Variants in ZNF385B observed in about 807,000 individuals in gnomAD.
The protein encoded by ZNF385B is zinc finger protein 533.
A neutral mutation model predicts 39.2 loss-of-function variants in ZNF385B; 23 were observed. The observed-to-expected ratio is 0.59, with a 90% confidence interval of 0.42 to 0.83. The LOEUF (loss-of-function observed/expected upper bound fraction) is 0.83. ZNF385B is among the 40% of genes least tolerant of loss of function. The pLI, the probability that ZNF385B is intolerant of heterozygous loss-of-function variation, is 0.00. For missense variants in ZNF385B, 552 were observed against 598.9 expected (o/e 0.92, Z 0.82); for synonymous variants, 205 against 222.6 (o/e 0.92, Z 0.70).
chr2:179,736,782 C>T (rs1228541216), intron 3 of ZNF385B, among the ~76,000 whole-genome samples: 1 of 152,004 alleles, frequency 6.6e-6, no homozygotes, highest in Non-Finnish European at 1.5e-5. Context: ...CCAGCCTGGG[C>T]AACATGGTGA....
chr2:179,576,305 A>G, intron 3 of ZNF385B: 1 of 416,756 alleles, frequency 2.4e-6, no homozygotes, highest in Non-Finnish European at 3.2e-6. Context: ...TCCTCTACTT[A>G]GAATCCTTTT....
At chr2:179,678,656 A>G (rs1191770620) in intron 3 of ZNF385B, among the ~76,000 whole-genome samples, 1 of 152,240 alleles carries the variant, frequency 6.6e-6, no homozygotes, top group Non-Finnish European at 1.5e-5. Context: ...GTTTTGCTTA[A>G]GCCATTGTTA....
chr2:179,670,291 C>A (rs945512052), intron 3 of ZNF385B, among the ~76,000 whole-genome samples: 664 of 99,902 alleles, frequency 6.6e-3, no homozygotes, highest in South Asian at 9.4e-3. Context: ...GACTCCGTCT[C>A]AAAAAAAAAA....
At chr2:179,707,242 A>G (rs1265841654) in intron 3 of ZNF385B, among the ~76,000 whole-genome samples, 3 of 152,172 alleles carry the variant, frequency 2.0e-5, no homozygotes, top group African/African-American at 7.2e-5. Context: ...AAGAGAGTCT[A>G]TTGTGGTGGC....
chr2:179,474,548 T>A (rs968550463), intron 6 of ZNF385B, among the ~76,000 whole-genome samples: 1 of 152,214 alleles, frequency 6.6e-6, no homozygotes, highest in Non-Finnish European at 1.5e-5. Context: ...ATCAGAATAC[T>A]ATTATAATCA....
intron 6 of ZNF385B, among the ~76,000 whole-genome samples, chr2:179,470,392 C>T (rs2052604967): frequency 6.6e-6 from 1 of 152,164 alleles, no homozygotes; most frequent in Admixed American, 6.5e-5. Flanking sequence ...TCCGTGCAGC[C>T]TGTTGGGCCG....
chr2:179,545,946 T>C (rs370746919), intron 3 of ZNF385B, among the ~76,000 whole-genome samples: 4 of 152,328 alleles, frequency 2.6e-5, no homozygotes, highest in African/African-American at 9.6e-5. Flanking sequence ...CAGTAAGTTA[T>C]TGTTGACTAT....
chr2:179,552,290 C>A (rs1402701797), intron 3 of ZNF385B, among the ~76,000 whole-genome samples: 2 of 149,140 alleles, frequency 1.3e-5, no homozygotes, highest in Admixed American at 6.7e-5. Context: ...AAAGAAAACA[C>A]CTCATTCTTC....
At chr2:179,732,128 T>A (rs961432345) in intron 3 of ZNF385B, among the ~76,000 whole-genome samples, 4 of 152,238 alleles carry the variant, frequency 2.6e-5, no homozygotes, top group African/African-American at 9.6e-5. Context: ...AGGAGTTTAA[T>A]GAAGTATCTT....
At chr2:179,592,276 C>T (rs1184092200) in intron 3 of ZNF385B, among the ~76,000 whole-genome samples, 4 of 151,882 alleles carry the variant, frequency 2.6e-5, no homozygotes, top group African/African-American at 9.7e-5. Context: ...AATATAAAGT[C>T]TATTTGGAAA....
At chr2:179,780,804 A>C (rs982846013) in intron 1 of ZNF385B, among the ~76,000 whole-genome samples, 1 of 152,240 alleles carries the variant, frequency 6.6e-6, no homozygotes, top group Admixed American at 6.5e-5. Context: ...GAGAAATTTT[A>C]ATTTAGGATA....
At chr2:179,754,843 T>C (rs1352826943) in intron 3 of ZNF385B, among the ~76,000 whole-genome samples, 1 of 152,224 alleles carries the variant, frequency 6.6e-6, no homozygotes, top group Non-Finnish European at 1.5e-5. Flanking sequence ...TTAGTCTTGC[T>C]AGTGGTCTAT....
chr2:179,836,264 C>A (rs1172860664), intron 1 of ZNF385B, among the ~76,000 whole-genome samples: 1 of 152,202 alleles, frequency 6.6e-6, no homozygotes, highest in Non-Finnish European at 1.5e-5. Context: ...GATCTTGCCT[C>A]TCTTATCCAC....
chr2:179,705,592 C>T (rs974253082), intron 3 of ZNF385B, among the ~76,000 whole-genome samples: 2 of 152,202 alleles, frequency 1.3e-5, no homozygotes, highest in Non-Finnish European at 2.9e-5. Flanking sequence ...CCCCTAGAAA[C>T]TTTTGCTCTT....
intron 3 of ZNF385B, among the ~76,000 whole-genome samples, chr2:179,597,523 G>A (rs1332708206): frequency 6.6e-6 from 1 of 152,136 alleles, no homozygotes; most frequent in East Asian, 1.9e-4. Flanking sequence ...ACAGTCAGTA[G>A]CTTTACTCTT....
chr2:179,619,736 C>T (rs1690053350), intron 3 of ZNF385B, among the ~76,000 whole-genome samples: 1 of 152,202 alleles, frequency 6.6e-6, no homozygotes, highest in Non-Finnish European at 1.5e-5. Context: ...AGATACCTGT[C>T]ATTTCTAAAC....
intron 3 of ZNF385B, among the ~76,000 whole-genome samples, chr2:179,658,876 C>T (rs1334555543): frequency 2.0e-5 from 3 of 152,192 alleles, no homozygotes; most frequent in Non-Finnish European, 4.4e-5. Context: ...CTCCCCGCTT[C>T]AAGTGATTCT....
chr2:179,680,745 G>C (rs1479905315), intron 3 of ZNF385B, among the ~76,000 whole-genome samples: 2 of 151,942 alleles, frequency 1.3e-5, no homozygotes, highest in African/African-American at 2.4e-5. Flanking sequence ...TAAAATCTAA[G>C]ATCTTGATGT....
rs1325359662 is a variant in ZNF385B, at chr2:179,576,040, C to T, written c.299-31071G>A. The T allele has an allele frequency of 1.7e-5, 11 of 645,060 alleles. No homozygotes were observed. In the South Asian group the frequency reaches 2.1e-4, roughly 12 times the overall value. 40.0% of individuals were successfully genotyped at this position (645,060 alleles called of 1,614,324 possible). On this transcript the variant is annotated intron_variant, in intron 3 of 9. Coordinates refer to ENST00000410066, the MANE Select transcript of ZNF385B (RefSeq NM_152520.6). The stretch of plus-strand genomic sequence containing the variant: ...CTCTCCTTGTATTCTTTAAGTTAGA[C>T]GATGGCAACTCTGGCACAACACTTG...
Sources: gnomAD v4.1 joint callset for allele counts (sites outside exome capture counted in the v4.1 genomes callset) on GRCh38, gnomAD v4.1.1 for gene constraint, MANE v1.5 for transcripts, NCBI Gene and HGNC (gene_info 2026-07-23, HGNC 2026-07-21) for gene names.